PAWR: variants seen among roughly 807,000 people sequenced by gnomAD.
PAWR encodes pro-apoptotic WT1 regulator, also known as PRKC apoptosis WT1 regulator protein.
Under a neutral mutation model 32.0 loss-of-function variants are expected in PAWR, and 23 were observed. That is an observed-to-expected ratio of 0.72 (90% CI 0.52 to 1.02). The LOEUF (loss-of-function observed/expected upper bound fraction) is 1.02, where lower values mean the gene tolerates loss of function less well. Ranked by LOEUF, PAWR falls within the 50% of genes least tolerant of loss-of-function variation. PAWR has a pLI of 0.00. For synonymous variants in PAWR, 226 were observed against 187.1 expected, an observed-to-expected ratio of 1.21 and a Z score of -1.70; for missense variants, 457 against 437.7, an observed-to-expected ratio of 1.04 and a Z score of -0.39.
chr12:79,640,872 T>A (rs1171510663), intron 2 of PAWR, among the ~76,000 whole-genome samples: 1 of 152,246 alleles, frequency 6.6e-6, no homozygotes, highest in Non-Finnish European at 1.5e-5. Context: ...CTATAATAGT[T>A]TGATGCGTAA....
chr12:79,690,649 A>C, intron 1 of PAWR: 3 of 158,380 alleles, frequency 1.9e-5, no homozygotes, highest in Non-Finnish European at 4.1e-5. Context: ...ATCCCCACCA[A>C]GGTCCGCGCC....
At chr12:79,648,692 G>A (rs1049661624) in intron 2 of PAWR, among the ~76,000 whole-genome samples, 6 of 151,288 alleles carry the variant, frequency 4.0e-5, no homozygotes, top group Non-Finnish European at 7.4e-5. Flanking sequence ...GGGAGGCAGA[G>A]GTGGGAGGGT....
intron 3 of PAWR, among the ~76,000 whole-genome samples, chr12:79,615,925 C>A (rs1160626351): frequency 6.6e-6 from 1 of 151,740 alleles, no homozygotes; most frequent in East Asian, 1.9e-4. Flanking sequence ...GGTGAAGTGG[C>A]GTGTGCCTGT....
chr12:79,677,793 C>G (rs1327317467), intron 2 of PAWR, among the ~76,000 whole-genome samples: 1 of 152,146 alleles, frequency 6.6e-6, no homozygotes, highest in East Asian at 1.9e-4. Context: ...CCTTAAGCAC[C>G]TGTATTCCTA....
rs1026310091 is a variant in PAWR, at chr12:79,591,813, T to C, written c.*794A>G. 1.3e-5 allele frequency: 2 copies of C among 152,424 alleles called. No individual in the cohort carries two copies. Among genetic ancestry groups the C allele is most frequent in the African/African-American group, 4.8e-5 (2 of 41,440 alleles). The allele number at this position is 152,424 out of a possible 1,614,324, so 9.4% of individuals were successfully genotyped here. A position where few individuals can be genotyped will look rare whatever the true frequency, so the allele number is the denominator to read the frequency against. ...TCTCCTACACTGACTTTGTACACTT[T>C]CCAGGCCCGAAGAATAAAAAACTTT... On this transcript the variant is annotated 3_prime_UTR_variant, in exon 7 of 7. Coordinates refer to ENST00000328827, the MANE Select transcript of PAWR (RefSeq NM_002583.4).
rs186318548 is a variant in PAWR at position 79,674,691 on chromosome 12, A to G, written c.516+15038T>C. ...AGTCTAATGTCCAGAATCTACAGGG[A>G]CCTTAAGCAAATCAATAAGCCAAAA... On this transcript the variant is annotated intron_variant, in intron 2 of 6. Coordinates refer to ENST00000328827, the MANE Select transcript of PAWR (RefSeq NM_002583.4). Among the ~76,000 whole-genome samples the G allele has an allele frequency of 6.2e-4, 95 of 152,214 alleles. 1 individual carries two copies. Among genetic ancestry groups the G allele is most frequent in the African/African-American group, 2.2e-3 (90 of 41,542 alleles).
intron 2 of PAWR, among the ~76,000 whole-genome samples, chr12:79,627,379 A>C (rs915021666): frequency 6.6e-6 from 1 of 152,152 alleles, no homozygotes; most frequent in Non-Finnish European, 1.5e-5. Context: ...TTGGCTGCAT[A>C]AATGTCCTCT....
intron 2 of PAWR, among the ~76,000 whole-genome samples, chr12:79,632,343 ATATATATATATATATATATTTTT>A: frequency 1.7e-5 from 1 of 58,288 alleles, no homozygotes; most frequent in Non-Finnish European, 2.5e-5. Context: ...ATATATATAT[ATATATATATATATATATATTTTT>A]TTTTTTTTTT....
chr12:79,683,974 T>G (rs903736553), intron 2 of PAWR, among the ~76,000 whole-genome samples: 1 of 152,104 alleles, frequency 6.6e-6, no homozygotes, highest in Admixed American at 6.5e-5. Context: ...CTTCTCATAA[T>G]TTGAATACCA....
chr12:79,613,981 T>TATA (rs1874601678), intron 3 of PAWR, among the ~76,000 whole-genome samples: 1 of 3,966 alleles, frequency 2.5e-4, no homozygotes, highest in Non-Finnish European at 5.9e-4. Context: ...ATATATATAT[T>TATA]TTTTTTTTTT....
At chr12:79,685,136 A>G (rs190432937) in intron 2 of PAWR, among the ~76,000 whole-genome samples, 4 of 152,344 alleles carry the variant, frequency 2.6e-5, no homozygotes, top group Non-Finnish European at 4.4e-5. Context: ...CAGACAACTC[A>G]GTACAAATCC....
At chr12:79,606,314 T>C (rs1304998382) in intron 4 of PAWR, among the ~76,000 whole-genome samples, 1 of 152,190 alleles carries the variant, frequency 6.6e-6, no homozygotes, top group African/African-American at 2.4e-5. Flanking sequence ...AATGCTGAAC[T>C]GTACACCTTA....
intron 2 of PAWR, among the ~76,000 whole-genome samples, chr12:79,658,817 T>C (rs978999566): frequency 1.7e-4 from 26 of 151,656 alleles, no homozygotes; most frequent in African/African-American, 5.3e-4. Context: ...GCACCCGCCA[T>C]GCCCAGCTAA....
intron 2 of PAWR, among the ~76,000 whole-genome samples, chr12:79,646,577 A>T (rs1490736560): frequency 6.6e-6 from 1 of 152,240 alleles, no homozygotes; most frequent in Non-Finnish European, 1.5e-5. Flanking sequence ...AATCTTTATA[A>T]TGGTTCCTGT....
intron 2 of PAWR, among the ~76,000 whole-genome samples, chr12:79,660,393 A>G (rs1877290698): frequency 6.6e-6 from 1 of 152,106 alleles, no homozygotes; most frequent in South Asian, 2.1e-4. Context: ...AGAAACAAAC[A>G]GAAGTGCTAA....
At chr12:79,687,309 A>G (rs531078009) in intron 2 of PAWR, among the ~76,000 whole-genome samples, 204 of 152,250 alleles carry the variant, frequency 1.3e-3, no homozygotes, top group Non-Finnish European at 2.6e-3. Context: ...AGATACCTTT[A>G]TAACAGTATT....
chr12:79,657,865 A>C (rs1877170690), intron 2 of PAWR, among the ~76,000 whole-genome samples: 1 of 152,206 alleles, frequency 6.6e-6, no homozygotes, highest in Non-Finnish European at 1.5e-5. Flanking sequence ...AGGAAGTAAT[A>C]AAACAGAGAT....
At position 79,688,029 on chromosome 12, in the gene PAWR, C is replaced by T. The variant is rs146068242; in HGVS notation, c.516+1700G>A. ...AAGGTACCCTTGGTTTGTTTGTTTT[C>T]AGGGAAGATTAAATTTAGGAGTTGC... On this transcript the variant is annotated intron_variant, in intron 2 of 6. Coordinates refer to ENST00000328827, the MANE Select transcript of PAWR (RefSeq NM_002583.4). Among the ~76,000 whole-genome samples the T allele has an allele frequency of 4.1e-3, 624 of 152,106 alleles. 12 individuals carry two copies. Among genetic ancestry groups the T allele is most frequent in the African/African-American group, 0.014 (592 of 41,514 alleles).
At chr12:79,689,187 T>A (rs1017909310) in intron 2 of PAWR, among the ~76,000 whole-genome samples, 1 of 152,206 alleles carries the variant, frequency 6.6e-6, no homozygotes, top group Non-Finnish European at 1.5e-5. Context: ...GATTTATATA[T>A]AAAATAGTGC....
Sources: allele counts gnomAD v4.1 joint callset (sites outside exome capture counted in the v4.1 genomes callset), GRCh38; gene constraint gnomAD v4.1.1; transcripts MANE v1.5; gene names NCBI Gene and HGNC (gene_info 2026-07-23, HGNC 2026-07-21).